EEFSEC: variants seen among roughly 807,000 people sequenced by gnomAD.
EEFSEC encodes eukaryotic elongation factor, selenocysteine-tRNA specific, also known as selenocysteine-specific elongation factor.
In EEFSEC, 43 loss-of-function variants were observed where a neutral mutation model predicts 42.1. The ratio of observed to expected loss-of-function variants is 1.02; its 90% CI spans 0.80 to 1.32. The LOEUF (loss-of-function observed/expected upper bound fraction) is 1.32, where lower values mean the gene tolerates loss of function less well. EEFSEC is among the 40% of genes most tolerant of loss of function. EEFSEC has a pLI of 0.00. For missense variants in EEFSEC, 745 were observed against 803.6 expected (o/e 0.93, Z 0.88); for synonymous variants, 354 against 339.1 (o/e 1.04, Z -0.48).
chr3:128,419,707 C>G, the EEFSEC span, among the ~76,000 whole-genome samples: 1 of 152,154 alleles, frequency 6.6e-6, no homozygotes, highest in African/African-American at 2.4e-5. Flanking sequence ...AGAGCCACAC[C>G]GGCACCTCCT....
At chr3:128,258,866 A>T (rs946257532) in intron 2 of EEFSEC, among the ~76,000 whole-genome samples, 3 of 152,194 alleles carry the variant, frequency 2.0e-5, no homozygotes, top group East Asian at 3.8e-4. Flanking sequence ...CCAAATTCTC[A>T]TATGGATTTG....
chr3:128,291,467 A>G (rs1330413185), intron 4 of EEFSEC, among the ~76,000 whole-genome samples: 1 of 152,172 alleles, frequency 6.6e-6, no homozygotes, highest in Non-Finnish European at 1.5e-5. Flanking sequence ...GCCTTCTGCT[A>G]GGTTCTGACA....
chr3:128,221,455 C>T (rs145025154), intron 1 of EEFSEC, among the ~76,000 whole-genome samples: 58 of 152,276 alleles, frequency 3.8e-4, no homozygotes, highest in South Asian at 8.3e-4. Flanking sequence ...TTCCTTCACC[C>T]AGGAGAGGAC....
the EEFSEC span, among the ~76,000 whole-genome samples, chr3:128,419,802 G>A: frequency 4.6e-5 from 7 of 152,256 alleles, no homozygotes; most frequent in East Asian, 3.9e-4. Context: ...GTGAGGCCCC[G>A]ACACATCTCT....
At chr3:128,405,662 C>T (rs568988801) in intron 6 of EEFSEC, among the ~76,000 whole-genome samples, 10 of 152,348 alleles carry the variant, frequency 6.6e-5, no homozygotes, top group African/African-American at 1.7e-4. Context: ...GCTTGATGTG[C>T]GAGCCTTATA....
intron 4 of EEFSEC, among the ~76,000 whole-genome samples, chr3:128,335,114 G>A (rs942235801): frequency 6.6e-6 from 1 of 152,232 alleles, no homozygotes; most frequent in African/African-American, 2.4e-5. Context: ...GGGCCCATGT[G>A]GCTTGGCTCC....
chr3:128,222,400 A>G (rs922019044), intron 1 of EEFSEC, among the ~76,000 whole-genome samples: 3 of 152,216 alleles, frequency 2.0e-5, no homozygotes, highest in East Asian at 1.9e-4. Flanking sequence ...AGCAAATTAT[A>G]GGAAAGAAAT....
chr3:128,158,030 CAAT>C (rs1335029119), intron 1 of EEFSEC, among the ~76,000 whole-genome samples: 1 of 152,054 alleles, frequency 6.6e-6, no homozygotes, highest in East Asian at 1.9e-4. Context: ...TCAACAGTAA[CAAT>C]AATTTGGAAG....
intron 5 of EEFSEC, among the ~76,000 whole-genome samples, chr3:128,351,432 G>A (rs1310037864): frequency 3.3e-5 from 5 of 152,134 alleles, no homozygotes; most frequent in East Asian, 1.9e-4. Flanking sequence ...GAAGTCCCTC[G>A]CTCAAGGTCA....
chr3:128,411,707 G>T (rs949216945), downstream of EEFSEC, among the ~76,000 whole-genome samples: 71 of 152,296 alleles, frequency 4.7e-4, no homozygotes, highest in Non-Finnish European at 2.1e-4. Context: ...AAGAGATAAG[G>T]CTTATCTGGA....
At chr3:128,313,745 A>G (rs1184160977) in intron 4 of EEFSEC, among the ~76,000 whole-genome samples, 2 of 152,214 alleles carry the variant, frequency 1.3e-5, no homozygotes, top group Non-Finnish European at 2.9e-5. Flanking sequence ...CCTCATGTGG[A>G]CATATATGAA....
At chr3:128,352,659 GC>G (rs1465184594) in intron 5 of EEFSEC, among the ~76,000 whole-genome samples, 2 of 152,232 alleles carry the variant, frequency 1.3e-5, no homozygotes, top group Non-Finnish European at 2.9e-5. Flanking sequence ...TGCATCTGCT[GC>G]CCCTGTAGTC....
intron 1 of EEFSEC, among the ~76,000 whole-genome samples, chr3:128,197,015 T>G (rs1382083683): frequency 6.6e-6 from 1 of 152,272 alleles, no homozygotes; most frequent in African/African-American, 2.4e-5. Flanking sequence ...TTTCTTTTTC[T>G]CTTATTGCTG....
intron 1 of EEFSEC, among the ~76,000 whole-genome samples, chr3:128,178,603 G>GT (rs1350297634): frequency 1.3e-5 from 2 of 151,876 alleles, no homozygotes; most frequent in Admixed American, 6.6e-5. Flanking sequence ...ATGGCACTTT[G>GT]TTTTTTTTCT....
rs1169458082 is a variant in EEFSEC at position 128,317,397 on chromosome 3, C to T, written c.787-23836C>T. Among the ~76,000 whole-genome samples the T allele has an allele frequency of 1.3e-5, 2 of 152,212 alleles. No homozygotes were observed. The highest frequency in any genetic ancestry group is 2.1e-4 in the South Asian group (1 of 4,830). The stretch of plus-strand genomic sequence containing the variant: ...TCACTCTGGCCTTTCCTACCCTCAG[C>T]GTGTGCTTGGTGCTGCTGCATGCCA... On this transcript the variant is annotated intron_variant, in intron 4 of 6. Transcript: ENST00000254730. This position sits in a 1 kb window ranked among gnomAD's most constrained non-coding sequence, Gnocchi z 4.1.
At position 128,408,189 on chromosome 3, in the gene EEFSEC, A is replaced by T. The variant is rs751391009; in HGVS notation, c.1721A>T (p.His574Leu). The change falls in exon 7 of 7, where the codon CAT (histidine) becomes CTT (leucine). Residue 574 changes from histidine (H) to leucine (L), a missense_variant. Transcript: ENST00000254730. ...GCCGAGCGGAGCGAGCCCTCACAGC[A>T]TGTGGTGCTCAGCCTGACTTTCAAG... ...ESAERSEPSQ[H>L]VVLSLTFKRY... 1 of 1,612,794 alleles carries T rather than the reference A, an allele frequency of 6.2e-7. No individual in the cohort carries two copies. Among genetic ancestry groups the T allele is most frequent in the South Asian group, 1.1e-5 (1 of 90,926 alleles).
At chr3:128,384,817 G>C (rs1415349109) in intron 6 of EEFSEC, among the ~76,000 whole-genome samples, 4 of 152,202 alleles carry the variant, frequency 2.6e-5, no homozygotes, top group Admixed American at 2.0e-4. Flanking sequence ...TCTGCCAAGA[G>C]AGGTGGTATT....
intron 1 of EEFSEC, among the ~76,000 whole-genome samples, chr3:128,220,772 G>A (rs1036125738): frequency 3.3e-5 from 5 of 152,210 alleles, no homozygotes; most frequent in Non-Finnish European, 7.3e-5. Flanking sequence ...GGAGTATCCT[G>A]CAACAGACCC....
chr3:128,260,241 G>A (rs1036336223), intron 2 of EEFSEC, among the ~76,000 whole-genome samples: 1 of 152,030 alleles, frequency 6.6e-6, no homozygotes, highest in Admixed American at 6.5e-5. Flanking sequence ...TGGATTCCTT[G>A]TACATGAGTT....
Sources: gnomAD v4.1 joint callset for allele counts (sites outside exome capture counted in the v4.1 genomes callset) on GRCh38, gnomAD v4.1.1 for gene constraint, Gnocchi (gnomAD v3.1) non-coding constraint, MANE v1.5 for transcripts, NCBI Gene and HGNC (gene_info 2026-07-23, HGNC 2026-07-21) for gene names.